USP36: variants seen among roughly 807,000 people sequenced by gnomAD.
USP36 encodes the protein ubiquitin specific peptidase 36.
Under a neutral mutation model 111.5 loss-of-function variants are expected in USP36, and 59 were observed. The observed-to-expected ratio is 0.53, with a 90% confidence interval of 0.43 to 0.66. USP36 has a LOEUF of 0.66. USP36 is among the 30% of genes least tolerant of loss of function. The pLI is 0.00. For synonymous variants in USP36, 628 were observed against 581.0 expected, an observed-to-expected ratio of 1.08 and a Z score of -1.16; for missense variants, 1,488 against 1,468.0, an observed-to-expected ratio of 1.01 and a Z score of -0.22.
chr17:78,827,408 T>A (rs2067662987), intron 5 of USP36, 61 bp from the exon 6 acceptor site: 6 of 1,522,066 alleles, frequency 3.9e-6, no homozygotes, highest in Non-Finnish European at 5.3e-6. Flanking sequence ...GGCCTGCGGC[T>A]GCTTTCCTGA....
chr17:78,807,289 G>T lies in USP36; in HGVS notation c.1755C>A (p.Leu585=), dbSNP rs755939658. The change falls in exon 14 of 21, where the codon CTC becomes CTA. Residue 585 remains leucine (L), a synonymous_variant. Transcript: ENST00000449938. ...GCCCGTTGGCAGTGGCTGTAGCCAG[G>T]AGCTTAGGTGAGGTAGAGAGGACAA... ...RDVVLSTSPK[L]LATATANGHG... is the part of the protein sequence containing the mutation. 22 of 1,614,146 alleles carry T rather than the reference G, an allele frequency of 1.4e-5. No homozygotes were observed. Among genetic ancestry groups the T allele is most frequent in the Non-Finnish European group, 1.8e-5 (21 of 1,180,010 alleles).
At chr17:78,841,076 C>A (rs1217168111), upstream of USP36, 4 of 152,228 alleles carry the variant, frequency 2.6e-5, no homozygotes, top group Admixed American at 2.6e-4. Flanking sequence ...GTGACGTCTC[C>A]GCAGCGCACT....
chr17:78,790,913 G>A (rs1038471433), downstream of USP36, among the ~76,000 whole-genome samples: 13 of 152,126 alleles, frequency 8.5e-5, no homozygotes, highest in African/African-American at 2.9e-4. Flanking sequence ...TGGCAGCCAT[G>A]TCCTGTTGCT....
chr17:78,836,458 T>A, intron 2 of USP36, 86 bp from the exon 3 acceptor site: 1 of 1,508,964 alleles, frequency 6.6e-7, no homozygotes, highest in Non-Finnish European at 8.8e-7. Context: ...TTGGTCATTA[T>A]GGATGCTAGC....
intron 13 of USP36, among the ~76,000 whole-genome samples, chr17:78,812,062 T>C (rs572471399): frequency 1.3e-5 from 2 of 151,906 alleles, no homozygotes; most frequent in East Asian, 1.9e-4. Flanking sequence ...GGTAGTGCAC[T>C]GATAGTCCCG....
intron 6 of USP36, among the ~76,000 whole-genome samples, chr17:78,824,333 C>T (rs564996527): frequency 3.9e-5 from 6 of 152,294 alleles, no homozygotes; most frequent in South Asian, 2.1e-4. Context: ...AAGGGTACCA[C>T]GGTGGACTGC....
chr17:78,839,165 T>C (rs2068999918), intron 1 of USP36, among the ~76,000 whole-genome samples: 1 of 152,200 alleles, frequency 6.6e-6, no homozygotes. Flanking sequence ...GGATTTTCTC[T>C]TTCATTACCA....
rs59441706 is a variant in USP36, at chr17:78,811,045, C to T, written c.1407+1815G>A. 1.7e-3 allele frequency among the ~76,000 whole-genome samples: 237 copies of T among 143,134 alleles called. 2 individuals carry two copies. The highest frequency in any genetic ancestry group is 5.8e-3 in the African/African-American group (225 of 38,590). The allele number at this position is 143,134 out of a possible 152,430, so 93.9% of individuals were successfully genotyped here. A position where few individuals can be genotyped will look rare whatever the true frequency, so the allele number is the denominator to read the frequency against. The stretch of plus-strand genomic sequence containing the variant: ...AGGAGAATCGCTTGAACCCAAGAGG[C>T]GGAGGCTGCATAGTGGCAGAGGCTG... On this transcript the variant is annotated intron_variant, in intron 13 of 20. Transcript: ENST00000449938.
At chr17:78,824,753 A>G (rs1043336263) in intron 6 of USP36, among the ~76,000 whole-genome samples, 1 of 152,250 alleles carries the variant, frequency 6.6e-6, no homozygotes, top group Non-Finnish European at 1.5e-5. Context: ...CCTGCCTATT[A>G]AAAGATGGTC....
rs749326552 is a variant in USP36, at chr17:78,832,586, C to T, written c.475+2694G>A. Among the ~76,000 whole-genome samples the T allele has an allele frequency of 1.5e-4, 23 of 152,164 alleles. 1 individual carries two copies. Among genetic ancestry groups the T allele is most frequent in the Non-Finnish European group, 1.9e-4 (13 of 68,038 alleles). ...ACTGCAGCTTACCTGTGCCAGGTTA[C>T]GGGGATTTACAGATATTATCTAGTT... On this transcript the variant is annotated intron_variant, in intron 4 of 20. Coordinates refer to ENST00000449938, the MANE Select transcript of USP36 (RefSeq NM_001385174.1).
intron 4 of USP36, among the ~76,000 whole-genome samples, chr17:78,832,877 G>A (rs887992501): frequency 2.0e-4 from 30 of 152,180 alleles, no homozygotes; most frequent in Non-Finnish European, 1.2e-4. Context: ...TGCAGGGCAC[G>A]GTGGCTCATG....
intron 11 of USP36, 118 bp downstream of exon 11, chr17:78,814,294 T>C (rs2094132477): frequency 1.4e-6 from 2 of 1,401,936 alleles, no homozygotes; most frequent in African/African-American, 1.4e-5. Context: ...AGGACTTGAA[T>C]ACAACCACAA....
chr17:78,839,075 G>T (rs1390606165), intron 1 of USP36, among the ~76,000 whole-genome samples: 1 of 152,140 alleles, frequency 6.6e-6, no homozygotes, highest in Non-Finnish European at 1.5e-5. Flanking sequence ...TGGATTTAAT[G>T]AACCAGTAAA....
At chr17:78,791,707 T>A (rs2093585895), downstream of USP36, among the ~76,000 whole-genome samples, 1 of 152,040 alleles carries the variant, frequency 6.6e-6, no homozygotes, top group Non-Finnish European at 1.5e-5. Context: ...GCAGGGGGGA[T>A]CTGGATCACA....
intron 13 of USP36, 89 bp from the exon 14 acceptor site, chr17:78,807,725 G>T: frequency 7.7e-7 from 1 of 1,292,030 alleles, no homozygotes; most frequent in Non-Finnish European, 1.0e-6. Context: ...AATCTTAGTA[G>T]CAGGCATGGC....
Position 78,813,784 on chromosome 17 carries a change from C to A in USP36, c.1254G>T (p.Leu418=). Residue 418 remains leucine (L), a synonymous_variant, in exon 12 of 21, where the codon CTG becomes CTT. Coordinates refer to ENST00000449938, the MANE Select transcript of USP36 (RefSeq NM_001385174.1). The part of the protein sequence containing the change: ...KVVLNQQAYV[L]FYLRIPGSKK... The stretch of plus-strand genomic sequence containing the variant: ...CGTGAGTTTATTACCGCAGATAGAA[C>A]AGCACGTAGGCCTGCTGGTTCAGAA... 1 of 1,614,012 alleles carries A rather than the reference C, an allele frequency of 6.2e-7. No individual in the cohort carries two copies.
Position 78,798,589 on chromosome 17 carries a change from C to T in USP36, c.3241-38G>A, listed in dbSNP as rs750620819. On this transcript the variant is annotated intron_variant, in intron 19 of 20. Transcript: ENST00000449938. This position sits in a 1 kb window ranked among gnomAD's most constrained non-coding sequence, Gnocchi z 5.1. Reference sequence around the variant, plus strand: ...TCACAGGCATCACAGTTCCCAAAAACGGCTCTTTCCTGGCCCACGGGGCTC... The same window carrying T: ...TCACAGGCATCACAGTTCCCAAAAATGGCTCTTTCCTGGCCCACGGGGCTC... 8.1e-6 allele frequency: 13 copies of T among 1,607,430 alleles called. No individual in the cohort carries two copies. The highest frequency in any genetic ancestry group is 4.5e-5 in the East Asian group (2 of 44,886).
At position 78,828,968 on chromosome 17, in the gene USP36, T is replaced by C. The variant is rs1176900042; in HGVS notation, c.515A>G (p.Asn172Ser). Residue 172 changes from asparagine (N) to serine (S), a missense_variant, in exon 5 of 21, where the codon AAC becomes AGC. Asn to Ser is a conservative substitution (Grantham distance 46). Transcript: ENST00000449938. ...GTTGGCGAAGGCCTGGACAATGTGG[T>C]TCTGCATGACACACAGCATGCAGAA... ...GSFCMLCVMQ[N>S]HIVQAFANSG... 6.2e-7 allele frequency: 1 copy of C among 1,614,102 alleles called. No homozygotes were observed. The highest frequency in any genetic ancestry group is 1.1e-5 in the South Asian group (1 of 91,086).
chr17:78,834,482 AC>A (rs1310945045), intron 4 of USP36, among the ~76,000 whole-genome samples: 2 of 151,966 alleles, frequency 1.3e-5, no homozygotes, highest in Non-Finnish European at 2.9e-5. Context: ...TTGCTCTGTC[AC>A]CCAGGCTGGA....
Sources: allele counts gnomAD v4.1 joint callset (sites outside exome capture counted in the v4.1 genomes callset), GRCh38; gene constraint gnomAD v4.1.1; non-coding constraint Gnocchi (gnomAD v3.1); transcripts MANE v1.5; gene names NCBI Gene and HGNC (gene_info 2026-07-23, HGNC 2026-07-21).